Variants in CDKAL1 observed in about 807,000 individuals in gnomAD.
CDKAL1 encodes the protein CDKAL1 threonylcarbamoyladenosine tRNA methylthiotransferase, also known as threonylcarbamoyladenosine tRNA methylthiotransferase.
A neutral mutation model predicts 68.2 loss-of-function variants in CDKAL1; 32 were observed. That is an observed-to-expected ratio of 0.47 (90% confidence interval 0.35 to 0.63). The LOEUF (loss-of-function observed/expected upper bound fraction) is 0.63. Ranked by LOEUF, CDKAL1 falls within the 30% of genes least tolerant of loss-of-function variation. The pLI is 0.00. For synonymous variants in CDKAL1, 234 were observed against 244.3 expected (o/e 0.96, Z 0.39); for missense variants, 606 against 696.7 (o/e 0.87, Z 1.47).
intron 10 of CDKAL1, among the ~76,000 whole-genome samples, chr6:20,997,898 T>A (rs190598106): frequency 5.9e-5 from 9 of 152,156 alleles, no homozygotes; most frequent in African/African-American, 9.6e-5. Context: ...AGAAAAAAAA[T>A]AAAAAATTAG....
In CDKAL1 at chr6:20,649,858, G is replaced by A. The variant is rs1195038239; in HGVS notation, c.371+481G>A. On this transcript the variant is annotated intron_variant, in intron 5 of 15. Coordinates refer to ENST00000274695, the MANE Select transcript of CDKAL1 (RefSeq NM_017774.3). ...CCTGTATTAGTTTGGTGCGGATGAC[G>A]GCTTCCAGCTCCATCTGTGTGCTTG... Among the ~76,000 whole-genome samples the A allele has an allele frequency of 1.3e-5, 2 of 152,130 alleles. 1 individual carries two copies. The highest frequency in any genetic ancestry group is 4.1e-4 in the South Asian group (2 of 4,824).
chr6:20,652,974 G>A (rs1768842974), intron 5 of CDKAL1, among the ~76,000 whole-genome samples: 1 of 152,092 alleles, frequency 6.6e-6, no homozygotes, highest in African/African-American at 2.4e-5. Flanking sequence ...GTCTTGTTTA[G>A]CCGTATTTTG....
chr6:20,680,219 A>G (rs1357353867), intron 5 of CDKAL1, among the ~76,000 whole-genome samples: 1 of 152,034 alleles, frequency 6.6e-6, no homozygotes, highest in Non-Finnish European at 1.5e-5. Context: ...GGTGCCCACC[A>G]CCATGCCTGG....
chr6:20,953,376 A>G lies in CDKAL1; in HGVS notation c.743-2043A>G, dbSNP rs557996003. 4.9e-4 allele frequency among the ~76,000 whole-genome samples: 75 copies of G among 152,356 alleles called. 1 individual carries two copies. The highest frequency in any genetic ancestry group is 1.7e-3 in the Admixed American group (26 of 15,302). On this transcript the variant is annotated intron_variant, in intron 9 of 15. Coordinates refer to ENST00000274695, the MANE Select transcript of CDKAL1 (RefSeq NM_017774.3). ...GGAACCCACACTCTCTACATAAGGCATAACATGGAACCATTTGGATGGAAA... is the reference window on the plus strand; with the variant it reads ...GGAACCCACACTCTCTACATAAGGCGTAACATGGAACCATTTGGATGGAAA...
At chr6:21,071,331 T>G (rs903584362) in intron 12 of CDKAL1, among the ~76,000 whole-genome samples, 16 of 152,094 alleles carry the variant, frequency 1.1e-4, no homozygotes, top group African/African-American at 3.6e-4. Flanking sequence ...GGCTCTTCCC[T>G]CTTGACTCTC....
At chr6:20,651,475 A>G (rs78153724) in intron 5 of CDKAL1, among the ~76,000 whole-genome samples, 2,551 of 152,296 alleles carry the variant, frequency 0.017, 57 homozygotes, top group African/African-American at 0.058. Context: ...GGGGTTTTCT[A>G]GGAATAGGAT....
intron 13 of CDKAL1, among the ~76,000 whole-genome samples, chr6:21,183,527 G>GC: frequency 1.3e-5 from 2 of 152,268 alleles, no homozygotes; most frequent in African/African-American, 4.8e-5. Context: ...CTCCAAGACA[G>GC]TTTTCTACTT....
At chr6:20,564,242 A>C (rs1363284122) in intron 4 of CDKAL1, among the ~76,000 whole-genome samples, 1 of 152,184 alleles carries the variant, frequency 6.6e-6, no homozygotes, top group Non-Finnish European at 1.5e-5. Context: ...CCCCATCTCC[A>C]AAAAAGCTAA....
At chr6:20,946,088 A>G (rs1764222688) in intron 9 of CDKAL1, among the ~76,000 whole-genome samples, 1 of 152,174 alleles carries the variant, frequency 6.6e-6, no homozygotes, top group African/African-American at 2.4e-5. Flanking sequence ...CATATTGCAT[A>G]ATTATTGGCT....
At chr6:20,561,446 G>GAAAAAAAAAAAAAAAAAAAAA in intron 4 of CDKAL1, among the ~76,000 whole-genome samples, 1 of 79,648 alleles carries the variant, frequency 1.3e-5, no homozygotes, top group South Asian at 4.7e-4. Context: ...TCTCAAAAAA[G>GAAAAAAAAAAAAAAAAAAAAA]AAAAAAAAAA....
At chr6:21,159,412 G>A (rs754342295) in intron 13 of CDKAL1, among the ~76,000 whole-genome samples, 3 of 152,088 alleles carry the variant, frequency 2.0e-5, no homozygotes, top group Non-Finnish European at 4.4e-5. Context: ...TTCCTCTCTC[G>A]AATCTGTTCT....
At chr6:20,954,400 C>T (rs1489286632) in intron 9 of CDKAL1, among the ~76,000 whole-genome samples, 1 of 152,146 alleles carries the variant, frequency 6.6e-6, no homozygotes, top group African/African-American at 2.4e-5. Flanking sequence ...TTTCTAGAAA[C>T]TTATACTTTG....
At chr6:20,665,915 C>T (rs1179282282) in intron 5 of CDKAL1, among the ~76,000 whole-genome samples, 2 of 151,802 alleles carry the variant, frequency 1.3e-5, no homozygotes, top group African/African-American at 4.8e-5. Flanking sequence ...AGACATCTAG[C>T]ACCTCTGACT....
At chr6:21,132,497 ATTT>A (rs1173131958) in intron 13 of CDKAL1, among the ~76,000 whole-genome samples, 597 of 152,048 alleles carry the variant, frequency 3.9e-3, no homozygotes, top group African/African-American at 0.014. Context: ...ATAAGGTCTT[ATTT>A]ATGTTAATAT....
intron 5 of CDKAL1, among the ~76,000 whole-genome samples, chr6:20,682,976 A>T (rs1770453056): frequency 7.3e-6 from 1 of 136,352 alleles, no homozygotes; most frequent in African/African-American, 2.7e-5. Flanking sequence ...TTTTAGAGAC[A>T]GGGTCTTGCT....
Position 20,548,634 on chromosome 6 carries a change from G to A in CDKAL1, c.215G>A (p.Gly72Asp). ...CAGAAAATTTGGATACGAACATGGG[G>A]TTGTTCTCATAATAATTCAGATGGA... ...GIQKIWIRTWGCSHNNSDGEY... is the reference protein window; with the variant it reads ...GIQKIWIRTWDCSHNNSDGEY... The change falls in exon 4 of 16, where the codon GGT becomes GAT. Residue 72 changes from glycine to aspartate, a missense_variant. Coordinates refer to ENST00000274695, the MANE Select transcript of CDKAL1 (RefSeq NM_017774.3). 1.3e-6 allele frequency: 2 copies of A among 1,598,792 alleles called. No homozygotes were observed. Among genetic ancestry groups the A allele is most frequent in the Non-Finnish European group, 1.7e-6 (2 of 1,167,486 alleles).
intron 13 of CDKAL1, among the ~76,000 whole-genome samples, chr6:21,114,658 A>C (rs1774313240): frequency 6.6e-6 from 1 of 152,018 alleles, no homozygotes; most frequent in Admixed American, 6.6e-5. Context: ...CAGATGGCTT[A>C]AGTCCAGGAG....
At chr6:20,874,928 A>AG (rs1456240411) in intron 9 of CDKAL1, among the ~76,000 whole-genome samples, 7 of 152,350 alleles carry the variant, frequency 4.6e-5, no homozygotes, top group South Asian at 2.1e-4. Context: ...TGATACAAGA[A>AG]GGAGCAAAGA....
At chr6:21,008,560 A>C (rs1767850438) in intron 11 of CDKAL1, among the ~76,000 whole-genome samples, 1 of 152,188 alleles carries the variant, frequency 6.6e-6, no homozygotes, top group Non-Finnish European at 1.5e-5. Context: ...ATATGAAAAA[A>C]CAAAAAATAT....
Sources: allele counts gnomAD v4.1 joint callset (sites outside exome capture counted in the v4.1 genomes callset), GRCh38; gene constraint gnomAD v4.1.1; transcripts MANE v1.5; gene names NCBI Gene and HGNC (gene_info 2026-07-23, HGNC 2026-07-21).